Variants in ZFP62 observed in about 807,000 individuals in gnomAD.
The protein encoded by ZFP62 is ZFP62 zinc finger protein.
In ZFP62, 44 loss-of-function variants were observed where a neutral mutation model predicts 56.4. The ratio of observed to expected loss-of-function variants is 0.78; its 90% CI spans 0.61 to 1.00. The LOEUF (loss-of-function observed/expected upper bound fraction) is 1.00. Ranked by LOEUF, ZFP62 falls within the 50% of genes least tolerant of loss-of-function variation. The pLI, the probability that ZFP62 is intolerant of heterozygous loss-of-function variation, is 0.00. For missense variants in ZFP62, 1,030 were observed against 1,085.7 expected (o/e 0.95, Z 0.72); for synonymous variants, 421 against 388.9 (o/e 1.08, Z -0.97).
chr5:180,839,784 A>G, the ZFP62 span, among the ~76,000 whole-genome samples: 1 of 152,264 alleles, frequency 6.6e-6, no homozygotes, highest in South Asian at 2.1e-4. Context: ...AAAAAATAAA[A>G]TGGTTGTGTC....
At chr5:180,834,784 G>A in the ZFP62 span, 1 of 152,246 alleles carries the variant, frequency 6.6e-6, no homozygotes, top group Non-Finnish European at 1.5e-5. Context: ...AGTTTTAGGT[G>A]TCAACTTGAC....
At chr5:180,835,235 T>G in the ZFP62 span, 2 of 152,270 alleles carry the variant, frequency 1.3e-5, no homozygotes, top group Non-Finnish European at 2.9e-5. Context: ...AGGGCCCAGA[T>G]GGAACAAAAA....
At chr5:180,861,072 A>C (rs1423198022) in intron 1 of ZFP62, 147 bp downstream of exon 1, 1 of 395,990 alleles carries the variant, frequency 2.5e-6, no homozygotes, top group African/African-American at 2.1e-5. Flanking sequence ...CCAGAAACGC[A>C]CCCACTGAGA....
the ZFP62 span, among the ~76,000 whole-genome samples, chr5:180,827,559 C>T: frequency 0.049 from 7,513 of 152,252 alleles, 569 homozygotes; most frequent in African/African-American, 0.16. Flanking sequence ...ACAAACACTG[C>T]GGAAGGCCGC....
chr5:180,829,041 T>G, the ZFP62 span, among the ~76,000 whole-genome samples: 3 of 152,252 alleles, frequency 2.0e-5, no homozygotes, highest in South Asian at 2.1e-4. Flanking sequence ...CTGGTAAATT[T>G]TTGGTCAGAC....
chr5:180,831,303 C>T, the ZFP62 span: 1 of 152,540 alleles, frequency 6.6e-6, no homozygotes, highest in East Asian at 1.9e-4. Context: ...CGGCACGTCC[C>T]GCCCTCTCCT....
the ZFP62 span, chr5:180,831,349 C>T: frequency 6.6e-6 from 1 of 152,326 alleles, no homozygotes; most frequent in African/African-American, 2.4e-5. Flanking sequence ...GGAGGGAAAC[C>T]TTCCGGACAC....
the ZFP62 span, among the ~76,000 whole-genome samples, chr5:180,829,799 C>A: frequency 6.6e-6 from 1 of 152,160 alleles, no homozygotes; most frequent in African/African-American, 2.4e-5. Flanking sequence ...AAAGCCCCGG[C>A]CATAGTCTTT....
intron 1 of ZFP62, among the ~76,000 whole-genome samples, chr5:180,859,038 G>A (rs1020019328): frequency 1.4e-4 from 22 of 152,154 alleles, no homozygotes; most frequent in African/African-American, 4.8e-4. Flanking sequence ...GTTAAGAACC[G>A]GCCCTACATT....
chr5:180,843,886 A>G (rs1773362769), downstream of ZFP62, among the ~76,000 whole-genome samples: 1 of 152,244 alleles, frequency 6.6e-6, no homozygotes, highest in Non-Finnish European at 1.5e-5. Context: ...TCTCAACACA[A>G]TTCAAAGGAC....
chr5:180,841,171 G>C, the ZFP62 span, among the ~76,000 whole-genome samples: 1 of 151,804 alleles, frequency 6.6e-6, no homozygotes, highest in African/African-American at 2.4e-5. Flanking sequence ...ATTGTTTTGT[G>C]GAAAGAAAAT....
Position 180,849,356 on chromosome 5 carries a change from G to T in ZFP62, c.2139C>A (p.Ser713Arg). 2 of 1,551,776 alleles carry T rather than the reference G, an allele frequency of 1.3e-6. No individual in the cohort carries two copies. Among genetic ancestry groups the T allele is most frequent in the African/African-American group, 1.4e-5 (1 of 73,106 alleles). Residue 713 changes from serine to arginine, a missense_variant, in exon 2 of 2, where the codon AGC becomes AGA. Ser to Arg is a moderately radical substitution (Grantham distance 110, BLOSUM62 -1). Coordinates refer to ENST00000502412, the MANE Select transcript of ZFP62 (RefSeq NM_001172638.2). Reference sequence around the variant, plus strand: ...CTCTTTTATGGCTTATAAGAGTTCTGCTTGAGAAAAAAGCTTTTCCACATT... The same window carrying T: ...CTCTTTTATGGCTTATAAGAGTTCTTCTTGAGAAAAAAGCTTTTCCACATT... ...CDECGKAFFS[S>R]RTLISHKRVH...
the ZFP62 span, among the ~76,000 whole-genome samples, chr5:180,827,469 G>C: frequency 6.6e-6 from 1 of 151,656 alleles, no homozygotes; most frequent in Admixed American, 6.6e-5. Context: ...TGTGCAGGGT[G>C]TGCTTTGTTA....
In ZFP62 at chr5:180,851,382, T is replaced by A; in HGVS notation, c.113A>T (p.Lys38Met). ...ATCCCAAACACATGTGTCACCAACC[T>A]TAGATTCAGGCATAGGATCCTCCAC... ...PKVEDPMPES[K>M]VGDTCVWDSK... Residue 38 changes from lysine to methionine, a missense_variant, in exon 2 of 2, where the codon AAG becomes ATG. Lys to Met is a moderately conservative substitution (Grantham distance 95). Coordinates refer to ENST00000502412, the MANE Select transcript of ZFP62 (RefSeq NM_001172638.2). 6.4e-7 allele frequency: 1 copy of A among 1,551,682 alleles called. No homozygotes were observed. The highest frequency in any genetic ancestry group is 8.7e-7 in the Non-Finnish European group (1 of 1,146,990).
chr5:180,833,078 G>A, the ZFP62 span, among the ~76,000 whole-genome samples: 8 of 152,278 alleles, frequency 5.3e-5, no homozygotes, highest in Middle Eastern at 3.4e-3. Context: ...GGTTCATTCC[G>A]TTACGAATGG....
the ZFP62 span, among the ~76,000 whole-genome samples, chr5:180,827,988 G>C: frequency 6.6e-6 from 1 of 152,176 alleles, no homozygotes; most frequent in Non-Finnish European, 1.5e-5. Flanking sequence ...TTTGTCTGCT[G>C]ACTCTCTCCC....
At chr5:180,842,532 C>T in the ZFP62 span, among the ~76,000 whole-genome samples, 1 of 152,192 alleles carries the variant, frequency 6.6e-6, no homozygotes, top group Non-Finnish European at 1.5e-5. Flanking sequence ...GGAAATCACA[C>T]TTCAGTGGCT....
the ZFP62 span, among the ~76,000 whole-genome samples, chr5:180,841,190 T>A: frequency 6.6e-6 from 1 of 152,104 alleles, no homozygotes; most frequent in African/African-American, 2.4e-5. Context: ...ATGAACTTGC[T>A]GGATAAGAGA....
At chr5:180,838,169 T>G in the ZFP62 span, among the ~76,000 whole-genome samples, 3 of 151,972 alleles carry the variant, frequency 2.0e-5, no homozygotes, top group African/African-American at 4.8e-5. Flanking sequence ...GATTCTGTTG[T>G]GGGGGGACAG....
Sources: allele counts gnomAD v4.1 joint callset (sites outside exome capture counted in the v4.1 genomes callset), GRCh38; gene constraint gnomAD v4.1.1; transcripts MANE v1.5; gene names NCBI Gene and HGNC (gene_info 2026-07-23, HGNC 2026-07-21).